The following ABCA12 variants were observed in gnomAD, a reference collection of about 807,000 sequenced individuals.
ABCA12 encodes glucosylceramide transporter ABCA12.
A neutral mutation model predicts 293.5 loss-of-function variants in ABCA12; 156 were observed. That is an observed-to-expected ratio of 0.53 (90% CI 0.47 to 0.61). The LOEUF (loss-of-function observed/expected upper bound fraction) is 0.61, where lower values mean the gene tolerates loss of function less well. Ranked by LOEUF, ABCA12 falls within the 20% of genes least tolerant of loss-of-function variation. The pLI, the probability that ABCA12 is intolerant of heterozygous loss-of-function variation, is 0.00. For missense variants in ABCA12, 2,797 were observed against 3,090.2 expected, an observed-to-expected ratio of 0.91 and a Z score of 2.25; for synonymous variants, 1,063 against 1,108.0, an observed-to-expected ratio of 0.96 and a Z score of 0.81.
intron 20 of ABCA12, among the ~76,000 whole-genome samples, chr2:215,003,114 G>A (rs1390552732): frequency 1.3e-5 from 2 of 152,114 alleles, no homozygotes; most frequent in East Asian, 3.9e-4. Flanking sequence ...CTTCCCCAGT[G>A]GTTTAGAACC....
At chr2:215,054,035 A>AGT (rs1701371342) in intron 4 of ABCA12, among the ~76,000 whole-genome samples, 1 of 152,064 alleles carries the variant, frequency 6.6e-6, no homozygotes, top group African/African-American at 2.4e-5. Context: ...GATGTGAAGC[A>AGT]AGTCCACAGT....
chr2:215,056,906 C>T (rs1701430896), intron 3 of ABCA12, among the ~76,000 whole-genome samples: 1 of 152,058 alleles, frequency 6.6e-6, no homozygotes, highest in Non-Finnish European at 1.5e-5. Flanking sequence ...CTACATGCTT[C>T]TTAGAACAGT....
intron 30 of ABCA12, among the ~76,000 whole-genome samples, chr2:214,981,872 C>G (rs1699665259): frequency 7.0e-6 from 1 of 143,252 alleles, no homozygotes; most frequent in African/African-American, 2.6e-5. Context: ...CTCTTGGGTT[C>G]AAGTGATTCT....
chr2:215,031,485 CTGTT>C (rs771912315), intron 9 of ABCA12, among the ~76,000 whole-genome samples: 15 of 152,144 alleles, frequency 9.9e-5, no homozygotes, highest in African/African-American at 2.2e-4. Flanking sequence ...TACTTACACA[CTGTT>C]TGTGGTGAAA....
chr2:215,060,068 A>C (rs1400289279), intron 3 of ABCA12, among the ~76,000 whole-genome samples: 1 of 152,068 alleles, frequency 6.6e-6, no homozygotes, highest in Non-Finnish European at 1.5e-5. Context: ...CTCTCCAGTA[A>C]GATCCATATT....
intron 2 of ABCA12, among the ~76,000 whole-genome samples, chr2:215,102,477 T>G (rs1408901421): frequency 6.6e-6 from 1 of 152,138 alleles, no homozygotes; most frequent in Non-Finnish European, 1.5e-5. Context: ...CGCGCACCTG[T>G]AGTCCCAGCT....
Position 214,956,798 on chromosome 2 carries a change from A to G in ABCA12, c.6118-20T>C. 6.6e-7 allele frequency: 1 copy of G among 1,521,012 alleles called. No individual in the cohort carries two copies. Among genetic ancestry groups the G allele is most frequent in the South Asian group, 1.1e-5 (1 of 89,174 alleles). The allele number at this position is 1,521,012 out of a possible 1,614,324, so 94.2% of individuals were successfully genotyped here. On this transcript the variant is annotated intron_variant, in intron 41 of 52. Coordinates refer to ENST00000272895, the MANE Select transcript of ABCA12 (RefSeq NM_173076.3). ...GAAAACCTATGGAAATATTCAAAAC[A>G]ATGTTTAATACGTGACAAGCATTTT...
intron 1 of ABCA12, among the ~76,000 whole-genome samples, chr2:215,116,565 T>C (rs1262665687): frequency 6.6e-6 from 1 of 152,176 alleles, no homozygotes; most frequent in Non-Finnish European, 1.5e-5. Context: ...CATTAAAATA[T>C]ATTTGAAAAT....
In ABCA12 at chr2:215,025,737, G is replaced by T. The variant is rs1700730459; in HGVS notation, c.1223C>A (p.Ser408Tyr). The T allele has an allele frequency of 1.2e-6, 2 of 1,612,400 alleles. No individual in the cohort carries two copies. The highest frequency in any genetic ancestry group is 2.2e-5 in the East Asian group (1 of 44,716). ...TTCATAGGAACCATTGCGAAGAAAA[G>T]ATTTTTTAAATCGTATTGTGGACTG... ...LLQSTIRFKK[S>Y]FLRNGSYEDY... The change falls in exon 11 of 53, where the codon TCT (serine) becomes TAT (tyrosine). Residue 408 changes from serine (S) to tyrosine (Y), a missense_variant. By Grantham distance (144) the Ser-to-Tyr change is moderately radical. Coordinates refer to ENST00000272895, the MANE Select transcript of ABCA12 (RefSeq NM_173076.3).
At chr2:214,943,884 C>G (rs1392125020) in intron 49 of ABCA12, among the ~76,000 whole-genome samples, 3 of 152,156 alleles carry the variant, frequency 2.0e-5, no homozygotes. Flanking sequence ...ATGATATAAA[C>G]AAGTCTCTTG....
At chr2:215,128,607 C>T (rs1304756438) in intron 1 of ABCA12, among the ~76,000 whole-genome samples, 22 of 152,044 alleles carry the variant, frequency 1.4e-4, no homozygotes. Flanking sequence ...TTCCAGAGCA[C>T]TTTGCATTTC....
intron 39 of ABCA12, 94 bp downstream of exon 39, chr2:214,966,754 C>T (rs1396788728): frequency 3.5e-6 from 4 of 1,141,092 alleles, no homozygotes; most frequent in Admixed American, 1.8e-5. Flanking sequence ...CATAAAATAC[C>T]TGCCACCTGT....
intron 2 of ABCA12, chr2:215,075,533 C>T: frequency 2.9e-6 from 2 of 696,622 alleles, no homozygotes; most frequent in Admixed American, 4.1e-5. Flanking sequence ...AACCCTGTAT[C>T]TTGAGTCAGT....
At chr2:215,084,228 C>A (rs28625976) in intron 2 of ABCA12, among the ~76,000 whole-genome samples, 1 of 152,004 alleles carries the variant, frequency 6.6e-6, no homozygotes, top group African/African-American at 2.4e-5. Context: ...GCTCACGTAG[C>A]GCTCCACCTT....
intron 23 of ABCA12, among the ~76,000 whole-genome samples, chr2:214,991,582 G>A (rs1294913598): frequency 6.6e-6 from 1 of 152,090 alleles, no homozygotes; most frequent in Admixed American, 6.5e-5. Flanking sequence ...CATAACTTAA[G>A]GGAGACCTCC....
At chr2:215,021,304 C>T (rs1700626662) in intron 11 of ABCA12, among the ~76,000 whole-genome samples, 2 of 152,186 alleles carry the variant, frequency 1.3e-5, no homozygotes, top group Admixed American at 1.3e-4. Context: ...TATTTTCTCT[C>T]TTAGGTATTA....
At position 214,997,800 on chromosome 2, in the gene ABCA12, G is replaced by C; in HGVS notation, c.3189C>G (p.Thr1063=). Residue 1063 remains threonine (T), a synonymous_variant, in exon 23 of 53, where the codon ACC becomes ACG. Coordinates refer to ENST00000272895, the MANE Select transcript of ABCA12 (RefSeq NM_173076.3). ...CAATTGGAAGAGAATAAGAGACACT[G>C]GTTAGGAAGCTGTAAAACAAACAAA... The part of the protein sequence containing the change: ...YPCFMKDNFL[T]SVSYSLPIVL... The C allele has an allele frequency of 6.2e-7, 1 of 1,607,542 alleles. No homozygotes were observed. The highest frequency in any genetic ancestry group is 2.2e-5 in the East Asian group (1 of 44,724).
In ABCA12 at chr2:214,976,008, C is replaced by T; in HGVS notation, c.5158G>A (p.Asp1720Asn). 6.2e-7 allele frequency: 1 copy of T among 1,614,008 alleles called. No homozygotes were observed. The highest frequency in any genetic ancestry group is 8.5e-7 in the Non-Finnish European group (1 of 1,179,966). Reference protein sequence around the residue: ...DKILTRGERLDGFGLLLKKIM... With the variant: ...DKILTRGERLNGFGLLLKKIM... Reference sequence around the variant, plus strand: ...TTCTTCAGCAACAGTCCAAAGCCATCCAGCCTCTCTCCTCTTGTCAGGATT... The same window carrying T: ...TTCTTCAGCAACAGTCCAAAGCCATTCAGCCTCTCTCCTCTTGTCAGGATT... Residue 1720 changes from aspartate (D) to asparagine (N), a missense_variant, in exon 34 of 53, where the codon GAT becomes AAT. By Grantham distance (23) the Asp-to-Asn change is conservative (BLOSUM62 1). This residue lies in a region of ABCA12 where 2,130 missense variants were observed against 2,427.0 expected (regional missense o/e 0.88). Coordinates refer to ENST00000272895, the MANE Select transcript of ABCA12 (RefSeq NM_173076.3).
At chr2:215,095,083 G>C (rs1702223528) in intron 2 of ABCA12, among the ~76,000 whole-genome samples, 1 of 151,932 alleles carries the variant, frequency 6.6e-6, no homozygotes, top group Middle Eastern at 3.4e-3. Flanking sequence ...CTACTATTTT[G>C]TTTTGTTTTG....
Sources: gnomAD v4.1 joint callset for allele counts (sites outside exome capture counted in the v4.1 genomes callset) on GRCh38, gnomAD v4.1.1 for gene constraint, gnomAD v4.1.1 regional missense constraint, MANE v1.5 for transcripts, NCBI Gene and HGNC (gene_info 2026-07-23, HGNC 2026-07-21) for gene names.